Variants in ITGAM observed in about 807,000 individuals in gnomAD.
The protein encoded by ITGAM is integrin subunit alpha M.
Under a neutral mutation model 137.5 loss-of-function variants are expected in ITGAM, and 79 were observed. The observed-to-expected ratio is 0.57, with a 90% CI of 0.48 to 0.69. ITGAM has a LOEUF of 0.69. Among genes scored for constraint, ITGAM ranks in the 30% least tolerant of loss-of-function variants. ITGAM has a pLI of 0.00. For synonymous variants in ITGAM, 583 were observed against 592.3 expected (o/e 0.98, Z 0.23); for missense variants, 1,343 against 1,483.5 (o/e 0.91, Z 1.56).
chr16:31,299,826 C>T (rs1256855871), intron 14 of ITGAM, among the ~76,000 whole-genome samples: 1 of 132,700 alleles, frequency 7.5e-6, no homozygotes, highest in Non-Finnish European at 1.6e-5. Flanking sequence ...CCCCTCCTCC[C>T]CCTCCTCGTC....
At position 31,297,657 on chromosome 16, in the gene ITGAM, G is replaced by A; in HGVS notation, c.1497+3G>A. On this transcript the variant is annotated splice_donor_region_variant and intron_variant, in intron 13 of 29. Transcript: ENST00000544665. The stretch of plus-strand genomic sequence containing the variant: ...CCGTGTGCCCCTTGCCCAGGGGGGT[G>A]AGTGGCAATGGGACCTGGGCTGGGT... 6.2e-7 allele frequency: 1 copy of A among 1,612,250 alleles called. No individual in the cohort carries two copies. Among genetic ancestry groups the A allele is most frequent in the East Asian group, 2.2e-5 (1 of 44,848 alleles).
intron 9 of ITGAM, 50 bp from the exon 10 acceptor site, chr16:31,276,621 C>T: frequency 4.3e-6 from 6 of 1,380,530 alleles, no homozygotes; most frequent in Non-Finnish European, 6.1e-6. Context: ...CGTGAGCCAC[C>T]ATGCCCGGCC....
At chr16:31,262,390 T>TG (rs2079714577) in intron 2 of ITGAM, among the ~76,000 whole-genome samples, 9 of 141,410 alleles carry the variant, frequency 6.4e-5, no homozygotes, top group African/African-American at 2.3e-4. Flanking sequence ...CTTCCTTCCT[T>TG]CCTTCCTTCC....
Position 31,329,228 on chromosome 16 carries a change from C to T in ITGAM, c.2793C>T (p.Ser931=). Residue 931 remains serine, a splice_region_variant and synonymous_variant, in exon 24 of 30, where the codon AGC becomes AGT. Coordinates refer to ENST00000544665, the MANE Select transcript of ITGAM (RefSeq NM_000632.4). ...TCCTGTCCCTTTTTTCTCCCTTCAG[C>T]CATGGGGTCTCCACTAAATATCTCA... ...VKYAVYMVVT[S]HGVSTKYLNF... is the part of the protein sequence containing the mutation. 1 of 1,609,210 alleles carries T rather than the reference C, an allele frequency of 6.2e-7. No individual in the cohort carries two copies. The highest frequency in any genetic ancestry group is 1.7e-4 in the Middle Eastern group (1 of 6,052).
chr16:31,329,943 G>C, intron 25 of ITGAM, 38 bp downstream of exon 25: 1 of 1,539,888 alleles, frequency 6.5e-7, no homozygotes, highest in Non-Finnish European at 8.8e-7. Context: ...ACGGCCCTGC[G>C]CGTTCCTCTC....
Position 31,326,806 on chromosome 16 carries a change from TA to T in ITGAM, c.2629-49del. The T allele has an allele frequency of 2.3e-6, 3 of 1,287,170 alleles. No homozygotes were observed. In the South Asian group the frequency reaches 3.6e-5, roughly 15 times the overall value. 79.7% of individuals were successfully genotyped at this position (1,287,170 alleles called of 1,614,324 possible). On this transcript the variant is annotated intron_variant, in intron 21 of 29. Transcript: ENST00000544665. The stretch of plus-strand genomic sequence containing the variant: ...TTAATCAGATGACGGGCATTTGGGT[TA>T]TTTTTTCTCTCATATTTCTGTCATT...
chr16:31,294,546 A>G (rs1046327478), intron 12 of ITGAM, among the ~76,000 whole-genome samples: 1 of 152,042 alleles, frequency 6.6e-6, no homozygotes, highest in Non-Finnish European at 1.5e-5. Context: ...ATTGATTTGC[A>G]TATGTTGAAC....
intron 12 of ITGAM, among the ~76,000 whole-genome samples, chr16:31,289,602 G>T (rs1236090328): frequency 6.6e-6 from 1 of 152,160 alleles, no homozygotes; most frequent in Non-Finnish European, 1.5e-5. Context: ...ACCAGGGCCT[G>T]TTGTGGGGTG....
chr16:31,281,553 AT>A (rs2079969540), intron 12 of ITGAM, among the ~76,000 whole-genome samples: 1 of 151,940 alleles, frequency 6.6e-6, no homozygotes. Flanking sequence ...TTTCTGTGGG[AT>A]TGGTGGTGAT....
intron 6 of ITGAM, 30 bp downstream of exon 6, chr16:31,271,114 G>A: frequency 6.8e-7 from 1 of 1,481,224 alleles, no homozygotes; most frequent in Non-Finnish European, 9.1e-7. Flanking sequence ...TTAGGGAAGA[G>A]CCCACACGGG....
At position 31,263,802 on chromosome 16, in the gene ITGAM, A is replaced by AATTTATTT. The variant is rs61363590; in HGVS notation, c.135-1549_135-1542dup. Among the ~76,000 whole-genome samples, 950 of 129,778 alleles carry AATTTATTT rather than the reference A, an allele frequency of 7.3e-3. 16 individuals are homozygous for AATTTATTT. Among genetic ancestry groups the AATTTATTT allele is most frequent in the African/African-American group, 0.022 (773 of 35,690 alleles). The allele number at this position is 129,778 out of a possible 152,430, so 85.1% of individuals were successfully genotyped here. ...CTTATGGTAGTTTATCACATACAAAAATTTATTTATTTATTTATTTATTTA... is the reference window on the plus strand; with the variant it reads ...CTTATGGTAGTTTATCACATACAAAAATTTATTTATTTATTTATTTATTTATTTATTTA... On this transcript the variant is annotated intron_variant, in intron 2 of 29. Coordinates refer to ENST00000544665, the MANE Select transcript of ITGAM (RefSeq NM_000632.4).
intron 12 of ITGAM, among the ~76,000 whole-genome samples, chr16:31,289,565 T>C (rs1042573112): frequency 6.6e-6 from 1 of 151,736 alleles, no homozygotes; most frequent in Non-Finnish European, 1.5e-5. Context: ...ATGAGAACAC[T>C]TGGACACAGG....
At chr16:31,327,883 C>A (rs558125531) in intron 22 of ITGAM, among the ~76,000 whole-genome samples, 1 of 152,172 alleles carries the variant, frequency 6.6e-6, no homozygotes, top group African/African-American at 2.4e-5. Context: ...CATGTTAGAA[C>A]GATCACTCTT....
At chr16:31,274,610 A>ATTTATT (rs58443776) in intron 8 of ITGAM, among the ~76,000 whole-genome samples, 17,131 of 148,960 alleles carry the variant, frequency 0.12, 1,086 homozygotes, top group South Asian at 0.18. Context: ...TTATTTATTT[A>ATTTATT]TATTTATTTA....
At chr16:31,331,302 T>G in intron 29 of ITGAM, 27 bp downstream of exon 29, 1 of 1,030,942 alleles carries the variant, frequency 9.7e-7, no homozygotes, top group Non-Finnish European at 1.4e-6. Flanking sequence ...CCCCACCCCC[T>G]CCCTTCATCC....
intron 3 of ITGAM, 123 bp downstream of exon 3, chr16:31,265,621 C>T (rs762850560): frequency 2.0e-5 from 15 of 745,886 alleles, no homozygotes; most frequent in Non-Finnish European, 3.1e-5. Context: ...CGTACCCTCT[C>T]CTCTGCCTGC....
At chr16:31,328,636 T>G (rs2080536712) in intron 23 of ITGAM, among the ~76,000 whole-genome samples, 1 of 150,814 alleles carries the variant, frequency 6.6e-6, no homozygotes, top group East Asian at 2.0e-4. Flanking sequence ...CATGGGTGTG[T>G]GTGCATATGT....
At chr16:31,275,500 G>A (rs2079896319) in intron 8 of ITGAM, 49 bp from the exon 9 acceptor site, 1 of 1,583,726 alleles carries the variant, frequency 6.3e-7, no homozygotes, top group Non-Finnish European at 8.7e-7. Context: ...TTTGCCAGAT[G>A]ATATTGCTAG....
intron 14 of ITGAM, among the ~76,000 whole-genome samples, chr16:31,305,542 A>G (rs2080256237): frequency 6.6e-6 from 1 of 152,148 alleles, no homozygotes; most frequent in South Asian, 2.1e-4. Context: ...TCCAGTTCTT[A>G]GTGAGAATGC....
Sources: gnomAD v4.1 joint callset for allele counts (sites outside exome capture counted in the v4.1 genomes callset) on GRCh38, gnomAD v4.1.1 for gene constraint, MANE v1.5 for transcripts, NCBI Gene and HGNC (gene_info 2026-07-23, HGNC 2026-07-21) for gene names.